The following MAP4K5 variants were observed in gnomAD, a reference collection of about 807,000 sequenced individuals.
MAP4K5 encodes the protein MAPK/ERK kinase kinase kinase 5.
A neutral mutation model predicts 135.6 loss-of-function variants in MAP4K5; 82 were observed. The ratio of observed to expected loss-of-function variants is 0.60; its 90% CI spans 0.51 to 0.73. The LOEUF (loss-of-function observed/expected upper bound fraction) is 0.73. Among genes scored for constraint, MAP4K5 ranks in the 30% least tolerant of loss-of-function variants. The probability of loss-of-function intolerance (pLI) is 0.00; values close to 1 mark genes in which losing one functional copy is unlikely to be tolerated. For synonymous variants in MAP4K5, 347 were observed against 335.0 expected, an observed-to-expected ratio of 1.04 and a Z score of -0.39; for missense variants, 907 against 1,010.9, an observed-to-expected ratio of 0.90 and a Z score of 1.39.
intron 3 of MAP4K5, among the ~76,000 whole-genome samples, chr14:50,498,745 T>TA: frequency 6.6e-6 from 1 of 152,314 alleles, no homozygotes. Flanking sequence ...TTCATTTACT[T>TA]AAAAAAATTT....
chr14:50,533,583 T>A (rs976927086), upstream of MAP4K5, among the ~76,000 whole-genome samples: 1 of 152,182 alleles, frequency 6.6e-6, no homozygotes, highest in African/African-American at 2.4e-5. Context: ...TTGCCAGTGT[T>A]ACATTATACT....
intron 28 of MAP4K5, among the ~76,000 whole-genome samples, chr14:50,429,732 T>C (rs957575741): frequency 1.3e-5 from 2 of 152,140 alleles, no homozygotes; most frequent in Admixed American, 1.3e-4. Context: ...GACAGAAATT[T>C]TCCTGGTATA....
chr14:50,447,090 C>T (rs1213220948), intron 16 of MAP4K5, among the ~76,000 whole-genome samples: 1 of 152,146 alleles, frequency 6.6e-6, no homozygotes, highest in African/African-American at 2.4e-5. Context: ...GGCCAGCCCC[C>T]TCACTTAATT....
intron 3 of MAP4K5, among the ~76,000 whole-genome samples, chr14:50,498,513 G>A (rs924278429): frequency 6.6e-6 from 1 of 152,100 alleles, no homozygotes; most frequent in Admixed American, 6.6e-5. Flanking sequence ...GCGATTTTCT[G>A]TGCTAACCTA....
intron 1 of MAP4K5, among the ~76,000 whole-genome samples, chr14:50,557,687 T>A (rs571885207): frequency 6.6e-6 from 1 of 152,338 alleles, no homozygotes; most frequent in African/African-American, 2.4e-5. Context: ...TTGAGGTATT[T>A]CTTCAGAGTA....
At chr14:50,427,833 T>G (rs2035879379) in intron 30 of MAP4K5, among the ~76,000 whole-genome samples, 1 of 152,100 alleles carries the variant, frequency 6.6e-6, no homozygotes, top group Admixed American at 6.6e-5. Context: ...GGCATAAAAG[T>G]TTACAAGTCC....
chr14:50,510,488 CCA>C (rs1033113202), intron 2 of MAP4K5, among the ~76,000 whole-genome samples: 1 of 152,134 alleles, frequency 6.6e-6, no homozygotes, highest in Non-Finnish European at 1.5e-5. Context: ...AAAGGCTGTG[CCA>C]CATGGTAGAT....
At chr14:50,467,713 A>G (rs888022944) in intron 10 of MAP4K5, among the ~76,000 whole-genome samples, 32 of 152,150 alleles carry the variant, frequency 2.1e-4, no homozygotes, top group Non-Finnish European at 4.0e-4. Context: ...TGTATTGCCC[A>G]TAACAAATAA....
At chr14:50,476,412 T>C (rs1001823683) in intron 6 of MAP4K5, 106 bp from the exon 7 acceptor site, 2 of 534,434 alleles carry the variant, frequency 3.7e-6, no homozygotes, top group Admixed American at 8.2e-5. Flanking sequence ...TAGAATGTCT[T>C]TTTTGGGGAG....
intron 11 of MAP4K5, among the ~76,000 whole-genome samples, chr14:50,466,140 G>T (rs906505445): frequency 1.3e-5 from 2 of 152,086 alleles, no homozygotes; most frequent in African/African-American, 4.8e-5. Context: ...ACTTTGGAAG[G>T]CTGAAGTGGG....
At chr14:50,557,823 G>A (rs1008474424) in intron 1 of MAP4K5, among the ~76,000 whole-genome samples, 5 of 152,116 alleles carry the variant, frequency 3.3e-5, no homozygotes, top group South Asian at 4.1e-4. Flanking sequence ...ACCTTTTCTC[G>A]TTAAAAGGAG....
At position 50,531,958 on chromosome 14, in the gene MAP4K5, T is replaced by A. The variant is rs1489645917; in HGVS notation, c.92A>T (p.Tyr31Phe). 5.6e-6 allele frequency: 9 copies of A among 1,601,652 alleles called. No homozygotes were observed. Among genetic ancestry groups the A allele is most frequent in the Non-Finnish European group, 7.7e-6 (9 of 1,174,122 alleles). Reference protein sequence around the residue: ...ELVQRVGSGTYGDVYKARNVH... With the variant: ...ELVQRVGSGTFGDVYKARNVH... ...CTCACTTACCTTATAGACGTCCCCG[T>A]AGGTGCCGCTGCCGACCCTCTGGAC... The change falls in exon 2 of 33, where the codon TAC (tyrosine) becomes TTC (phenylalanine). Residue 31 changes from tyrosine to phenylalanine, a missense_variant. Physicochemically the swap from Tyr to Phe is conservative, Grantham distance 22 (BLOSUM62 3). Coordinates refer to ENST00000682126, the MANE Select transcript of MAP4K5 (RefSeq NM_006575.6).
chr14:50,466,296 C>A (rs1220954603), intron 11 of MAP4K5, among the ~76,000 whole-genome samples: 1 of 147,468 alleles, frequency 6.8e-6, no homozygotes, highest in Non-Finnish European at 1.5e-5. Context: ...GAGGGAGGAT[C>A]TCTTGAGCCC....
chr14:50,476,334 ATGTATCAGC>A, intron 6 of MAP4K5, 28 bp from the exon 7 acceptor site: 29 of 1,192,422 alleles, frequency 2.4e-5, no homozygotes, highest in Non-Finnish European at 3.3e-5. Context: ...AAAAAAAAGA[ATGTATCAGC>A]AAAACTGTAA....
intron 6 of MAP4K5, among the ~76,000 whole-genome samples, chr14:50,476,612 C>T (rs565407353): frequency 3.3e-5 from 5 of 152,300 alleles, no homozygotes; most frequent in African/African-American, 1.2e-4. Context: ...AGGCATGCGC[C>T]ACTATGCCCA....
intron 1 of MAP4K5, among the ~76,000 whole-genome samples, chr14:50,547,068 AG>A (rs988228979): frequency 2.6e-5 from 4 of 151,738 alleles, no homozygotes; most frequent in Admixed American, 6.6e-5. Flanking sequence ...ACACAGGGGG[AG>A]GGGGGAACTT....
At chr14:50,546,995 A>AC (rs962084868) in intron 1 of MAP4K5, among the ~76,000 whole-genome samples, 7 of 150,996 alleles carry the variant, frequency 4.6e-5, no homozygotes, top group Non-Finnish European at 4.4e-5. Context: ...CTAGCCCCCC[A>AC]CCCCCCAACA....
intron 2 of MAP4K5, among the ~76,000 whole-genome samples, chr14:50,524,935 G>C (rs1595548454): frequency 6.6e-6 from 1 of 152,176 alleles, no homozygotes. Context: ...GCTGATGATA[G>C]AGATCATCTC....
chr14:50,448,049 G>A (rs938741659), intron 15 of MAP4K5, among the ~76,000 whole-genome samples: 1 of 151,564 alleles, frequency 6.6e-6, no homozygotes, highest in East Asian at 1.9e-4. Flanking sequence ...ACACTCTGTC[G>A]CCCAGGCTGG....
Sources: allele counts gnomAD v4.1 joint callset (sites outside exome capture counted in the v4.1 genomes callset), GRCh38; gene constraint gnomAD v4.1.1; transcripts MANE v1.5; gene names NCBI Gene and HGNC (gene_info 2026-07-23, HGNC 2026-07-21).